Variants in DMD observed in about 807,000 individuals in gnomAD.
The protein encoded by DMD is dystrophin.
In DMD, 63 loss-of-function variants were observed where a neutral mutation model predicts 330.1. That is an observed-to-expected ratio of 0.19 (90% confidence interval 0.16 to 0.24). The LOEUF is 0.24. Ranked by LOEUF, DMD falls within the 10% of genes least tolerant of loss-of-function variation. The probability of loss-of-function intolerance (pLI) is 1.00; values close to 1 mark genes in which losing one functional copy is unlikely to be tolerated. For synonymous variants in DMD, 1,223 were observed against 959.8 expected (o/e 1.27, Z -5.07); for missense variants, 3,344 against 2,684.1 (o/e 1.25, Z -5.43).
rs754404824 is a variant in DMD, at chrX:31,766,520, A to G, written c.7542+7440T>C. ...TGATACACCCGCCTCAGCCTCCCAAAGTGCTGGGATTACAGGCGTGAGCTA... is the reference window on the plus strand; with the variant it reads ...TGATACACCCGCCTCAGCCTCCCAAGGTGCTGGGATTACAGGCGTGAGCTA... On this transcript the variant is annotated intron_variant, in intron 51 of 78. Coordinates refer to ENST00000357033, the MANE Select transcript of DMD (RefSeq NM_004006.3). 5.4e-3 allele frequency among the ~76,000 whole-genome samples: 605 copies of G among 112,218 alleles called. 2 individuals are homozygous for G. The highest frequency in any genetic ancestry group is 8.2e-3 in the Non-Finnish European group (438 of 53,242).
intron 2 of DMD, among the ~76,000 whole-genome samples, chrX:33,006,090 A>G (rs771462360): frequency 8.9e-6 from 1 of 111,925 alleles, no homozygotes; most frequent in South Asian, 3.7e-4. Context: ...GATGAAAGTT[A>G]TCAGAGGAAC....
intron 7 of DMD, among the ~76,000 whole-genome samples, chrX:32,764,163 CACAG>C (rs2072677443): frequency 9.1e-6 from 1 of 109,494 alleles, no homozygotes; most frequent in African/African-American, 3.3e-5. Context: ...AATATATACT[CACAG>C]ACAATAGGCA....
At chrX:33,287,866 A>G (rs1285621600) in intron 1 of DMD, among the ~76,000 whole-genome samples, 2 of 111,481 alleles carry the variant, frequency 1.8e-5, no homozygotes, top group Non-Finnish European at 3.8e-5. Context: ...ACCTTCTCCA[A>G]AACAATTCCT....
At chrX:32,121,902 T>C (rs1293381988) in intron 44 of DMD, among the ~76,000 whole-genome samples, 1 of 109,307 alleles carries the variant, frequency 9.1e-6, no homozygotes, top group Non-Finnish European at 1.9e-5. Context: ...ATTTATTTGA[T>C]TTTTGTCCAA....
intron 48 of DMD, among the ~76,000 whole-genome samples, chrX:31,851,998 T>C (rs1264991522): frequency 1.8e-5 from 2 of 109,961 alleles, no homozygotes; most frequent in Non-Finnish European, 3.8e-5. Context: ...ATGTGTATGT[T>C]CAATTAAAAA....
At chrX:32,378,175 T>A (rs2097911333) in intron 34 of DMD, among the ~76,000 whole-genome samples, 1 of 110,592 alleles carries the variant, frequency 9.0e-6, no homozygotes, top group Non-Finnish European at 1.9e-5. Flanking sequence ...GTCTCAAAAA[T>A]ATGTTTACTT....
chrX:31,735,138 C>T (rs899746547), intron 51 of DMD, among the ~76,000 whole-genome samples: 2 of 111,243 alleles, frequency 1.8e-5, no homozygotes, highest in Non-Finnish European at 3.8e-5. Flanking sequence ...CTGGCTCTGC[C>T]TCAATGACTT....
At chrX:31,340,320 T>C (rs1200236303) in intron 61 of DMD, among the ~76,000 whole-genome samples, 2 of 112,462 alleles carry the variant, frequency 1.8e-5, no homozygotes, top group African/African-American at 6.5e-5. Context: ...AAAAGGAAAT[T>C]TGTCTTTCAG....
rs2078924284 is a variant in DMD at position 31,627,794 on chromosome X, T to C, written c.8096A>G (p.Glu2699Gly). 5 of 1,211,158 alleles carry C rather than the reference T, an allele frequency of 4.1e-6. No homozygotes were observed. The highest frequency in any genetic ancestry group is 4.5e-6 in the Non-Finnish European group (4 of 895,229). The change falls in exon 55 of 79, where the codon GAA becomes GGA. Residue 2699 changes from glutamate to glycine, a missense_variant. Coordinates refer to ENST00000357033, the MANE Select transcript of DMD (RefSeq NM_004006.3). The stretch of plus-strand genomic sequence containing the variant: ...TTCTGTAAGCCAGGCAAGAAACTTT[T>C]CCAGGTCCAGGGGGAACTGTTGCAG... ...RLLQQFPLDL[E>G]KFLAWLTEAE...
intron 6 of DMD, among the ~76,000 whole-genome samples, chrX:32,815,437 C>T (rs910395774): frequency 9.8e-6 from 1 of 101,691 alleles, no homozygotes; most frequent in African/African-American, 3.6e-5. Context: ...AAACGGGTAA[C>T]AGGAAGACCA....
At chrX:32,386,605 G>A in intron 32 of DMD, 140 bp from the exon 33 acceptor site, 2 of 518,584 alleles carry the variant, frequency 3.9e-6, no homozygotes, top group South Asian at 3.2e-5. Context: ...TGCAGCGGTG[G>A]TCAATATCTA....
At chrX:32,784,050 G>A (rs1347866719) in intron 7 of DMD, among the ~76,000 whole-genome samples, 5 of 109,986 alleles carry the variant, frequency 4.5e-5, no homozygotes, top group Admixed American at 3.9e-4. Context: ...TGTGTTTAGA[G>A]GACAAATTAA....
At chrX:32,379,471 C>T (rs1410712567) in intron 34 of DMD, among the ~76,000 whole-genome samples, 1 of 111,520 alleles carries the variant, frequency 9.0e-6, no homozygotes, top group South Asian at 3.7e-4. Flanking sequence ...CCTGTATATA[C>T]TGTATCTTCC....
intron 60 of DMD, among the ~76,000 whole-genome samples, chrX:31,379,720 G>C (rs2060061525): frequency 8.9e-6 from 1 of 112,104 alleles, no homozygotes; most frequent in South Asian, 3.7e-4. Context: ...AACTCCAAAT[G>C]CCTGAACTGC....
intron 55 of DMD, among the ~76,000 whole-genome samples, chrX:31,603,021 C>T (rs1286884309): frequency 9.0e-6 from 1 of 111,455 alleles, no homozygotes; most frequent in Non-Finnish European, 1.9e-5. Context: ...GGGCTATAAA[C>T]AAATGTGACA....
At chrX:32,280,144 G>GTATA (rs200390755) in intron 43 of DMD, among the ~76,000 whole-genome samples, 70 of 46,151 alleles carry the variant, frequency 1.5e-3, no homozygotes, top group East Asian at 6.6e-3. Flanking sequence ...TATATATACA[G>GTATA]TATATATATA....
At chrX:31,763,276 A>G (rs764033733) in intron 51 of DMD, among the ~76,000 whole-genome samples, 2 of 112,757 alleles carry the variant, frequency 1.8e-5, no homozygotes, top group Non-Finnish European at 3.8e-5. Context: ...ACCAATACAT[A>G]TTGGCAGCCG....
At position 31,892,302 on chromosome X, in the gene DMD, C is replaced by A. The variant is rs1003893006; in HGVS notation, c.6913-16929G>T. On this transcript the variant is annotated intron_variant, in intron 47 of 78. Coordinates refer to ENST00000357033, the MANE Select transcript of DMD (RefSeq NM_004006.3). Reference sequence around the variant, plus strand: ...CAGAAAAAAATTAATTTTTAAAATACTATTATACCCTGTAAATTACGTGTA... The same window carrying A: ...CAGAAAAAAATTAATTTTTAAAATAATATTATACCCTGTAAATTACGTGTA... Among the ~76,000 whole-genome samples the A allele has an allele frequency of 2.7e-5, 3 of 111,438 alleles. No individual in the cohort carries two copies. In the Admixed American group the frequency reaches 2.9e-4, roughly 11 times the overall value.
intron 3 of DMD, among the ~76,000 whole-genome samples, chrX:32,847,580 A>G (rs1292574271): frequency 8.9e-6 from 1 of 112,395 alleles, no homozygotes; most frequent in African/African-American, 3.2e-5. Flanking sequence ...AGCATTTGTT[A>G]GAGGTGATTC....
Sources: allele counts gnomAD v4.1 joint callset (sites outside exome capture counted in the v4.1 genomes callset), GRCh38; gene constraint gnomAD v4.1.1; transcripts MANE v1.5; gene names NCBI Gene and HGNC (gene_info 2026-07-23, HGNC 2026-07-21).